Variants in STAG1 observed in about 807,000 individuals in gnomAD.
STAG1 encodes the protein STAG1 cohesin complex component.
In STAG1, 26 loss-of-function variants were observed where a neutral mutation model predicts 170.9. That is an observed-to-expected ratio of 0.15 (90% CI 0.11 to 0.21). The LOEUF is 0.21. STAG1 is among the 10% of genes least tolerant of loss of function. STAG1 has a pLI of 1.00. For synonymous variants in STAG1, 514 were observed against 497.7 expected, an observed-to-expected ratio of 1.03 and a Z score of -0.44; for missense variants, 964 against 1,509.5, an observed-to-expected ratio of 0.64 and a Z score of 5.99.
chr3:136,502,931 A>C, intron 7 of STAG1, 152 bp from the exon 8 acceptor site: 1 of 614,294 alleles, frequency 1.6e-6, no homozygotes, highest in Non-Finnish European at 2.5e-6. Flanking sequence ...AAGATAACTA[A>C]TTTATAGAAA....
chr3:136,340,969 C>T (rs966296095), intron 31 of STAG1, among the ~76,000 whole-genome samples: 5 of 152,142 alleles, frequency 3.3e-5, no homozygotes, highest in East Asian at 3.9e-4. Context: ...AGTGCAGTGG[C>T]GTGATCTTGA....
intron 21 of STAG1, among the ~76,000 whole-genome samples, chr3:136,405,436 T>C (rs2087453359): frequency 1.3e-5 from 2 of 151,582 alleles, no homozygotes; most frequent in African/African-American, 4.8e-5. Flanking sequence ...GAGACAGGGT[T>C]TCACCATGTT....
chr3:136,340,347 C>T, intron 32 of STAG1, 144 bp downstream of exon 32: 1 of 559,132 alleles, frequency 1.8e-6, no homozygotes, highest in Non-Finnish European at 3.3e-6. Context: ...GTTTCGAACT[C>T]CCGACCTCAG....
rs547519742 is a variant in STAG1, at chr3:136,477,455, G to A, written c.903-43C>T. The A allele has an allele frequency of 1.5e-5, 23 of 1,523,166 alleles. No homozygotes were observed. In the African/African-American group the frequency reaches 2.8e-4, roughly 18 times the overall value. 94.4% of individuals were successfully genotyped at this position (1,523,166 alleles called of 1,614,324 possible). A position where few individuals can be genotyped will look rare whatever the true frequency, so the allele number is the denominator to read the frequency against. On this transcript the variant is annotated intron_variant, in intron 9 of 33. Coordinates refer to ENST00000383202, the MANE Select transcript of STAG1 (RefSeq NM_005862.3). ...AGACAATCTCAAATTAATATACAAA[G>A]CTAGAATGCATTCATACTCGCTTTC...
At chr3:136,681,773 G>C (rs1015932210) in intron 1 of STAG1, among the ~76,000 whole-genome samples, 1 of 152,000 alleles carries the variant, frequency 6.6e-6, no homozygotes, top group Admixed American at 6.5e-5. Context: ...CAGAAAGGGA[G>C]GGAGTCACAT....
chr3:136,392,483 C>G (rs902000133), intron 22 of STAG1, among the ~76,000 whole-genome samples: 7 of 151,548 alleles, frequency 4.6e-5, no homozygotes, highest in Non-Finnish European at 1.0e-4. Context: ...GAAAATAAAC[C>G]AGGCTGGGCG....
chr3:136,510,015 T>C (rs531300007), intron 7 of STAG1, among the ~76,000 whole-genome samples: 1 of 152,334 alleles, frequency 6.6e-6, no homozygotes, highest in African/African-American at 2.4e-5. Flanking sequence ...CCAAATGACA[T>C]AGATTTAACA....
At chr3:136,407,877 C>G (rs1367797627) in intron 21 of STAG1, among the ~76,000 whole-genome samples, 1 of 141,210 alleles carries the variant, frequency 7.1e-6, no homozygotes, top group African/African-American at 2.7e-5. Flanking sequence ...GCCTGGGCGA[C>G]AGAGCAAGAC....
At chr3:136,420,244 CAAAAA>C (rs71157379) in intron 20 of STAG1, among the ~76,000 whole-genome samples, 1 of 36,954 alleles carries the variant, frequency 2.7e-5, no homozygotes, top group Non-Finnish European at 5.3e-5. Flanking sequence ...GAGACTCTGT[CAAAAA>C]AAAAAAAAAA....
chr3:136,440,628 T>C (rs1183878379), intron 15 of STAG1, among the ~76,000 whole-genome samples: 2 of 152,052 alleles, frequency 1.3e-5, no homozygotes, highest in Non-Finnish European at 2.9e-5. Context: ...TACTCAAGTG[T>C]TGATAAGGCA....
At chr3:136,712,237 C>A (rs796400793) in intron 1 of STAG1, among the ~76,000 whole-genome samples, 4 of 152,134 alleles carry the variant, frequency 2.6e-5, no homozygotes, top group African/African-American at 9.6e-5. Context: ...AGGATGGTCT[C>A]GATCTCCTGA....
intron 21 of STAG1, among the ~76,000 whole-genome samples, chr3:136,408,698 C>T (rs1183168446): frequency 1.3e-5 from 2 of 152,184 alleles, no homozygotes; most frequent in South Asian, 4.1e-4. Flanking sequence ...CACTCAAATG[C>T]ATTTTTGGTA....
intron 1 of STAG1, among the ~76,000 whole-genome samples, chr3:136,661,172 A>G (rs529050409): frequency 8.5e-5 from 13 of 152,354 alleles, no homozygotes; most frequent in Non-Finnish European, 1.2e-4. Flanking sequence ...TGTTTGAAGT[A>G]TTGTTGTATT....
chr3:136,623,108 A>G, intron 3 of STAG1, 38 bp downstream of exon 3: 1 of 1,530,914 alleles, frequency 6.5e-7, no homozygotes, highest in Non-Finnish European at 9.0e-7. Context: ...TAACACGGTC[A>G]CTATTAAAGG....
intron 5 of STAG1, among the ~76,000 whole-genome samples, chr3:136,561,495 AAGG>A (rs1936838662): frequency 6.6e-6 from 1 of 152,210 alleles, no homozygotes; most frequent in African/African-American, 2.4e-5. Context: ...TTGTCTTGAA[AAGG>A]AGGTCTTTAA....
chr3:136,428,741 G>A (rs1380076447), intron 16 of STAG1, among the ~76,000 whole-genome samples: 1 of 152,206 alleles, frequency 6.6e-6, no homozygotes, highest in Non-Finnish European at 1.5e-5. Context: ...CAGAACTTAT[G>A]ACAGAACCAA....
intron 7 of STAG1, among the ~76,000 whole-genome samples, chr3:136,515,859 C>T (rs1168476523): frequency 6.6e-6 from 1 of 151,894 alleles, no homozygotes; most frequent in Admixed American, 6.6e-5. Flanking sequence ...GCATTAATCC[C>T]ACGAGAACAT....
rs2088687467 is a variant in STAG1 at position 136,443,391 on chromosome 3, G to C, written c.1442C>G (p.Ala481Gly). The stretch of plus-strand genomic sequence containing the variant: ...CCATAAACTGTCCACCAAGTAGGCT[G>C]CATGTTCATGTAACTAAAAAGAAAA... The part of the protein sequence containing the change: ...FFLESELHEH[A>G]AYLVDSLWES... The change falls in exon 15 of 34, where the codon GCA becomes GGA. Residue 481 changes from alanine to glycine, a missense_variant. Transcript: ENST00000383202. The C allele has an allele frequency of 1.2e-6, 2 of 1,608,140 alleles. No homozygotes were observed. Among genetic ancestry groups the C allele is most frequent in the Non-Finnish European group, 1.7e-6 (2 of 1,177,606 alleles).
At chr3:136,464,086 T>C (rs772435292) in intron 13 of STAG1, among the ~76,000 whole-genome samples, 17 of 151,818 alleles carry the variant, frequency 1.1e-4, no homozygotes, top group Non-Finnish European at 2.4e-4. Flanking sequence ...TGCAACTATA[T>C]ATATATAAAA....
Sources: gnomAD v4.1 joint callset for allele counts (sites outside exome capture counted in the v4.1 genomes callset) on GRCh38, gnomAD v4.1.1 for gene constraint, MANE v1.5 for transcripts, NCBI Gene and HGNC (gene_info 2026-07-23, HGNC 2026-07-21) for gene names.